Variants in TTYH1 observed in about 807,000 individuals in gnomAD.
TTYH1 encodes protein tweety homolog 1.
In TTYH1, 33 loss-of-function variants were observed where a neutral mutation model predicts 61.2. The ratio of observed to expected loss-of-function variants is 0.54; its 90% CI spans 0.41 to 0.72. The LOEUF (loss-of-function observed/expected upper bound fraction) is 0.72. Among genes scored for constraint, TTYH1 ranks in the 30% least tolerant of loss-of-function variants. TTYH1 has a pLI of 0.00. For synonymous variants in TTYH1, 308 were observed against 266.4 expected, an observed-to-expected ratio of 1.16 and a Z score of -1.52; for missense variants, 538 against 575.8, an observed-to-expected ratio of 0.93 and a Z score of 0.67.
rs150430199 is a variant in TTYH1, at chr19:54,423,435, A to G, written c.638+1025A>G. Among the ~76,000 whole-genome samples, 957 of 152,136 alleles carry G rather than the reference A, an allele frequency of 6.3e-3. 14 individuals are homozygous for G. Among genetic ancestry groups the G allele is most frequent in the African/African-American group, 0.022 (901 of 41,484 alleles). On this transcript the variant is annotated intron_variant, in intron 4 of 13. Transcript: ENST00000376530. Reference sequence around the variant, plus strand: ...CTGGTCTCAAACTCCTGACCTTGTGATCTGCCCGCCTTGGCCTCTCAAAGT... The same window carrying G: ...CTGGTCTCAAACTCCTGACCTTGTGGTCTGCCCGCCTTGGCCTCTCAAAGT...
In TTYH1 at chr19:54,416,248, C is replaced by T. The variant is rs913802380; in HGVS notation, c.126+570C>T. On this transcript the variant is annotated intron_variant, in intron 1 of 13. Transcript: ENST00000376530. The surrounding 1 kb of genome is among the most constrained non-coding windows in gnomAD (Gnocchi z 7.0). ...GCTCTGGGAGAGGAAGCTTCTTGCCCGTCCCAAGAAAGAAGGGGTGGTCAG... is the reference window on the plus strand; with the variant it reads ...GCTCTGGGAGAGGAAGCTTCTTGCCTGTCCCAAGAAAGAAGGGGTGGTCAG... 5.8e-6 allele frequency: 2 copies of T among 343,784 alleles called. No individual in the cohort carries two copies. Among genetic ancestry groups the T allele is most frequent in the African/African-American group, 4.4e-5 (2 of 45,802 alleles). The allele number at this position is 343,784 out of a possible 1,614,324, so 21.3% of individuals were successfully genotyped here. A position where few individuals can be genotyped will look rare whatever the true frequency, so the allele number is the denominator to read the frequency against.
At position 54,435,803 on chromosome 19, in the gene TTYH1, T is replaced by C. The variant is rs759699582; in HGVS notation, c.1269-25T>C. The C allele has an allele frequency of 3.4e-5, 55 of 1,613,772 alleles. No homozygotes were observed. In the South Asian group the frequency reaches 5.7e-4, roughly 17 times the overall value. On this transcript the variant is annotated intron_variant, in intron 11 of 13. Coordinates refer to ENST00000376530, the MANE Select transcript of TTYH1 (RefSeq NM_020659.4). ...CTGATGGGTCCCCATCCCGCCTCTC[T>C]GCCATGCCCCGCATCAAACCCCAGT...
At chr19:54,426,885 C>T (rs181548774) in intron 5 of TTYH1, 117 bp downstream of exon 5, 125 of 890,322 alleles carry the variant, frequency 1.4e-4, no homozygotes, top group African/African-American at 1.3e-3. Flanking sequence ...CGGGTACACA[C>T]GAAGAAAAGA....
rs1255657114 is a variant in TTYH1, at chr19:54,416,410, A to G, written c.126+732A>G. 2 of 270,662 alleles carry G rather than the reference A, an allele frequency of 7.4e-6. No individual in the cohort carries two copies. The highest frequency in any genetic ancestry group is 9.4e-5 in the Admixed American group (2 of 21,236). 16.8% of individuals were successfully genotyped at this position (270,662 alleles called of 1,614,324 possible). On this transcript the variant is annotated intron_variant, in intron 1 of 13. Transcript: ENST00000376530. This position sits in a 1 kb window ranked among gnomAD's most constrained non-coding sequence, Gnocchi z 7.0. ...CTGGGGAAGGGGCCCGGCTCGGGGC[A>G]GCTCCAATGGGCGAAAGAGCTGTCC...
intron 4 of TTYH1, among the ~76,000 whole-genome samples, chr19:54,425,586 C>T (rs1015271694): frequency 6.6e-6 from 1 of 152,174 alleles, no homozygotes; most frequent in Non-Finnish European, 1.5e-5. Flanking sequence ...CGGTCACCTT[C>T]CCAGCTAGGC....
At position 54,431,200 on chromosome 19, in the gene TTYH1, C is replaced by T; in HGVS notation, c.1125+9C>T. 4 of 1,605,896 alleles carry T rather than the reference C, an allele frequency of 2.5e-6. No homozygotes were observed. Among genetic ancestry groups the T allele is most frequent in the Non-Finnish European group, 3.4e-6 (4 of 1,172,788 alleles). ...GCCGCAGCCTGCACAAGGTGAAGCC[C>T]CTCCCCTCCCAATTTCTTCTCCCAC... On this transcript the variant is annotated intron_variant, in intron 10 of 13. Coordinates refer to ENST00000376530, the MANE Select transcript of TTYH1 (RefSeq NM_020659.4).
chr19:54,417,004 C>G (rs928885047), intron 1 of TTYH1: 4 of 1,192,700 alleles, frequency 3.4e-6, no homozygotes, highest in Non-Finnish European at 2.1e-6. Context: ...GGGCAGAGCC[C>G]CACAGCCGAG....
chr19:54,416,067 G>A lies in TTYH1; in HGVS notation c.126+389G>A. On this transcript the variant is annotated intron_variant, in intron 1 of 13. Coordinates refer to ENST00000376530, the MANE Select transcript of TTYH1 (RefSeq NM_020659.4). This position sits in a 1 kb window ranked among gnomAD's most constrained non-coding sequence, Gnocchi z 7.0. ...ACCCTGCCCCACAGGATCAGAGCAG[G>A]TGAATATGTCCCAGATAAGGTGGGA... 1.5e-6 allele frequency: 2 copies of A among 1,308,146 alleles called. No homozygotes were observed. The highest frequency in any genetic ancestry group is 1.2e-5 in the South Asian group (1 of 80,980). 81.0% of individuals were successfully genotyped at this position (1,308,146 alleles called of 1,614,324 possible).
rs140451581 is a variant in TTYH1, at chr19:54,419,461, C to T, written c.305+155C>T. ...CCTGCCATTTGCAAGCCCACTTCAG[C>T]GCACAGCAGGAAGGACTGTCCCATT... On this transcript the variant is annotated intron_variant, in intron 2 of 13. Coordinates refer to ENST00000376530, the MANE Select transcript of TTYH1 (RefSeq NM_020659.4). This position sits in a 1 kb window ranked among gnomAD's most constrained non-coding sequence, Gnocchi z 6.1. 7,231 of 802,540 alleles carry T rather than the reference C, an allele frequency of 9.0e-3. 51 individuals are homozygous for T. The highest frequency in any genetic ancestry group is 0.013 in the Middle Eastern group (58 of 4,506). The allele number at this position is 802,540 out of a possible 1,614,324, so 49.7% of individuals were successfully genotyped here. A position where few individuals can be genotyped will look rare whatever the true frequency, so the allele number is the denominator to read the frequency against.
chr19:54,436,596 G>C lies in TTYH1; in HGVS notation c.*306G>C. ...CTTGGAGGGACTAAGCTGGGGGTGG[G>C]GGACATGAGTCCCCCTGCTGCCCCT... is the stretch of plus-strand genomic sequence containing the variant. On this transcript the variant is annotated 3_prime_UTR_variant, in exon 14 of 14. Coordinates refer to ENST00000376530, the MANE Select transcript of TTYH1 (RefSeq NM_020659.4). This position sits in a 1 kb window ranked among gnomAD's most constrained non-coding sequence, Gnocchi z 4.3. The C allele has an allele frequency of 1.7e-6, 1 of 594,016 alleles. No individual in the cohort carries two copies. Among genetic ancestry groups the C allele is most frequent in the Admixed American group, 2.9e-5 (1 of 34,512 alleles). The allele number at this position is 594,016 out of a possible 1,614,324, so 36.8% of individuals were successfully genotyped here.
At chr19:54,423,744 C>T (rs912357029) in intron 4 of TTYH1, among the ~76,000 whole-genome samples, 3 of 152,100 alleles carry the variant, frequency 2.0e-5, no homozygotes, top group African/African-American at 4.8e-5. Context: ...ACCCCGGTGG[C>T]GGGCCGGGCA....
intron 12 of TTYH1, 106 bp downstream of exon 12, chr19:54,435,979 G>T (rs946424523): frequency 9.5e-6 from 15 of 1,580,970 alleles, no homozygotes; most frequent in Middle Eastern, 1.7e-4. Context: ...AGGGAGGAGG[G>T]GCTGGGGCCC....
chr19:54,427,689 C>A (rs1408849182), intron 5 of TTYH1, among the ~76,000 whole-genome samples: 1 of 152,054 alleles, frequency 6.6e-6, no homozygotes, highest in East Asian at 1.9e-4. Flanking sequence ...GTTGCCTCCA[C>A]CCCATGAAGG....
At chr19:54,428,629 A>G (rs1460424814) in intron 5 of TTYH1, among the ~76,000 whole-genome samples, 1 of 152,172 alleles carries the variant, frequency 6.6e-6, no homozygotes, top group Admixed American at 6.6e-5. Flanking sequence ...TGAACCAGAC[A>G]GGCCATTCTC....
chr19:54,422,893 C>T (rs1182874245), intron 4 of TTYH1, among the ~76,000 whole-genome samples: 1 of 143,766 alleles, frequency 7.0e-6, no homozygotes, highest in Non-Finnish European at 1.5e-5. Flanking sequence ...TTCACCATTG[C>T]ACTCCAGCCT....
chr19:54,422,207 G>C lies in TTYH1; in HGVS notation c.435G>C (p.Glu145Asp). The change falls in exon 4 of 14, where the codon GAG becomes GAC. Residue 145 changes from glutamate (E) to aspartate (D), a missense_variant. Coordinates refer to ENST00000376530, the MANE Select transcript of TTYH1 (RefSeq NM_020659.4). ...ATCCCCAGGTGTTGGAGACGGTGGAGAGGCTGGGCGAGGCGGTGAGGACAG... is the reference window on the plus strand; with the variant it reads ...ATCCCCAGGTGTTGGAGACGGTGGACAGGCTGGGCGAGGCGGTGAGGACAG... ...TIDHLVLETV[E>D]RLGEAVRTEL... is the part of the protein sequence containing the mutation. 2 of 1,562,944 alleles carry C rather than the reference G, an allele frequency of 1.3e-6. No homozygotes were observed. The highest frequency in any genetic ancestry group is 8.7e-7 in the Non-Finnish European group (1 of 1,154,192).
chr19:54,426,565 A>T, intron 4 of TTYH1, 108 bp from the exon 5 acceptor site: 1 of 831,404 alleles, frequency 1.2e-6, no homozygotes, highest in Non-Finnish European at 2.1e-6. Flanking sequence ...AGGGTGGTGA[A>T]TGTGAGGCTG....
rs776852244 is a variant in TTYH1, at chr19:54,420,493, G to A, written c.306-784G>A. ...GAGGGATGGGGGTGGAGGCCCAGCC[G>A]GGGCTGGGAACCGGGAGGGTGTCAG... is the stretch of plus-strand genomic sequence containing the variant. On this transcript the variant is annotated intron_variant, in intron 2 of 13. Coordinates refer to ENST00000376530, the MANE Select transcript of TTYH1 (RefSeq NM_020659.4). This position sits in a 1 kb window ranked among gnomAD's most constrained non-coding sequence, Gnocchi z 4.8. Among the ~76,000 whole-genome samples, 46 of 151,974 alleles carry A rather than the reference G, an allele frequency of 3.0e-4. No homozygotes were observed. Among genetic ancestry groups the A allele is most frequent in the African/African-American group, 4.8e-4 (20 of 41,464 alleles).
At chr19:54,433,946 C>T (rs1306056390) in intron 10 of TTYH1, among the ~76,000 whole-genome samples, 1 of 152,068 alleles carries the variant, frequency 6.6e-6, no homozygotes, top group East Asian at 1.9e-4. Context: ...GGACAGTGTG[C>T]ATGTACCAAT....
Sources: gnomAD v4.1 joint callset for allele counts (sites outside exome capture counted in the v4.1 genomes callset) on GRCh38, gnomAD v4.1.1 for gene constraint, Gnocchi (gnomAD v3.1) non-coding constraint, MANE v1.5 for transcripts, NCBI Gene and HGNC (gene_info 2026-07-23, HGNC 2026-07-21) for gene names.